The following SCOC variants were observed in gnomAD, a reference collection of about 807,000 sequenced individuals.
The protein encoded by SCOC is short coiled coil protein.
Under a neutral mutation model 9.9 loss-of-function variants are expected in SCOC, and 7 were observed. The ratio of observed to expected loss-of-function variants is 0.71; its 90% CI spans 0.40 to 1.33. The LOEUF is 1.33. Among genes scored for constraint, SCOC ranks in the 40% most tolerant of loss-of-function variants. The pLI is 0.01. For missense variants in SCOC, 66 were observed against 89.7 expected, an observed-to-expected ratio of 0.74 and a Z score of 1.07; for synonymous variants, 19 against 28.2, an observed-to-expected ratio of 0.67 and a Z score of 1.03.
At chr4:140,374,372 C>T in intron 1 of SCOC, 2 of 324,656 alleles carry the variant, frequency 6.2e-6, no homozygotes, top group South Asian at 2.3e-5. Context: ...ACAATAAGGA[C>T]AGATGCCATT....
chr4:140,365,515 C>G (rs1027048607), intron 2 of SCOC, among the ~76,000 whole-genome samples: 2 of 152,172 alleles, frequency 1.3e-5, no homozygotes, highest in Non-Finnish European at 2.9e-5. Context: ...TAGAAACATT[C>G]TAAGAGAAAT....
intron 1 of SCOC, among the ~76,000 whole-genome samples, chr4:140,268,475 T>C (rs1462252544): frequency 6.6e-6 from 1 of 152,208 alleles, no homozygotes; most frequent in East Asian, 1.9e-4. Flanking sequence ...TAATGTCATT[T>C]AAAAAATGAA....
chr4:140,374,946 A>G (rs1728272053), intron 1 of SCOC, among the ~76,000 whole-genome samples: 1 of 152,248 alleles, frequency 6.6e-6, no homozygotes, highest in Non-Finnish European at 1.5e-5. Flanking sequence ...ACATTAATGC[A>G]CGAAGACATT....
chr4:140,282,856 G>A (rs545695008), intron 1 of SCOC, among the ~76,000 whole-genome samples: 1 of 152,332 alleles, frequency 6.6e-6, no homozygotes, highest in African/African-American at 2.4e-5. Context: ...TTTGCTTAAA[G>A]GTTTTGGAGT....
chr4:140,279,535 T>C (rs1035212303), intron 1 of SCOC, among the ~76,000 whole-genome samples: 1 of 152,124 alleles, frequency 6.6e-6, no homozygotes, highest in Non-Finnish European at 1.5e-5. Flanking sequence ...TAATAAGTAC[T>C]AGATTGGAAC....
intron 1 of SCOC, among the ~76,000 whole-genome samples, chr4:140,332,687 T>C (rs1732853173): frequency 6.6e-6 from 1 of 152,134 alleles, no homozygotes; most frequent in African/African-American, 2.4e-5. Flanking sequence ...TGGAGTCATC[T>C]TTGACTGATC....
chr4:140,261,967 A>C (rs1404614094), intron 1 of SCOC, among the ~76,000 whole-genome samples: 1 of 152,266 alleles, frequency 6.6e-6, no homozygotes, highest in Admixed American at 6.5e-5. Context: ...AAGGAGAATT[A>C]AAACACAAGA....
At chr4:140,340,783 CTTTTTTTTTTT>C (rs36136647), upstream of SCOC, among the ~76,000 whole-genome samples, 1 of 40,476 alleles carries the variant, frequency 2.5e-5, no homozygotes, top group African/African-American at 9.4e-5. Flanking sequence ...TGCTGCCTAA[CTTTTTTTTTTT>C]TTTTTTTTTT....
chr4:140,293,110 C>T (rs1380179368), intron 1 of SCOC, among the ~76,000 whole-genome samples: 4 of 152,220 alleles, frequency 2.6e-5, no homozygotes, highest in African/African-American at 4.8e-5. Context: ...CTCCACTGTA[C>T]GTGTAGCTCA....
At chr4:140,371,106 C>G (rs906507354), upstream of SCOC, among the ~76,000 whole-genome samples, 7 of 152,014 alleles carry the variant, frequency 4.6e-5, no homozygotes, top group Non-Finnish European at 1.0e-4. Context: ...AGGATGGTCT[C>G]AATCTCCTGA....
chr4:140,376,686 CTG>C (rs1728360139), intron 1 of SCOC: 1 of 152,148 alleles, frequency 6.6e-6, no homozygotes. Context: ...TGAAGTCACA[CTG>C]TTGCTAAACC....
At chr4:140,265,226 G>A (rs752927048) in intron 1 of SCOC, among the ~76,000 whole-genome samples, 3 of 152,162 alleles carry the variant, frequency 2.0e-5, no homozygotes, top group Non-Finnish European at 2.9e-5. Context: ...GCTAAGCTCA[G>A]CATAATCATA....
At chr4:140,285,354 T>C (rs1731235279) in intron 1 of SCOC, 3 of 449,676 alleles carry the variant, frequency 6.7e-6, no homozygotes, top group Non-Finnish European at 1.3e-5. Context: ...AACAGGTCTT[T>C]GAAAATACCA....
intron 1 of SCOC, among the ~76,000 whole-genome samples, chr4:140,313,692 T>C (rs1000703123): frequency 2.0e-5 from 3 of 152,088 alleles, no homozygotes; most frequent in Admixed American, 1.3e-4. Flanking sequence ...AGTATCCCGG[T>C]GGAGGCAGCC....
intron 1 of SCOC, among the ~76,000 whole-genome samples, chr4:140,277,292 C>T (rs1433129625): frequency 6.6e-6 from 1 of 152,080 alleles, no homozygotes; most frequent in Non-Finnish European, 1.5e-5. Context: ...AGGCTGCAGA[C>T]CCCCCTCCCC....
chr4:140,285,701 T>G (rs1303281299), intron 1 of SCOC, among the ~76,000 whole-genome samples: 1 of 152,144 alleles, frequency 6.6e-6, no homozygotes, highest in Non-Finnish European at 1.5e-5. Context: ...AGGTTAGAAA[T>G]CTCTTCCCCT....
At chr4:140,302,933 T>C (rs1731854260) in intron 1 of SCOC, among the ~76,000 whole-genome samples, 1 of 152,166 alleles carries the variant, frequency 6.6e-6, no homozygotes. Flanking sequence ...AAATGCTCAA[T>C]GATGACATTA....
chr4:140,348,558 A>G (rs1578838503), intron 2 of SCOC, among the ~76,000 whole-genome samples: 1 of 66,490 alleles, frequency 1.5e-5, no homozygotes, highest in African/African-American at 5.5e-5. Flanking sequence ...ATATGTGTGT[A>G]TATATATGTA....
rs537269957 is a variant in SCOC, at chr4:140,377,509, A to G, written c.-50-1612A>G. 3.2e-3 allele frequency among the ~76,000 whole-genome samples: 483 copies of G among 152,302 alleles called. 5 individuals carry two copies. Among genetic ancestry groups the G allele is most frequent in the African/African-American group, 0.011 (456 of 41,570 alleles). ...TTCAGCATTATTAAATTAATTGTAT[A>G]CCATTTGTAGTTAATTATTTAATAA... On this transcript the variant is annotated intron_variant, in intron 1 of 3. Coordinates refer to ENST00000608372, the MANE Select transcript of SCOC (RefSeq NM_001153484.2).
Sources: allele counts gnomAD v4.1 joint callset (sites outside exome capture counted in the v4.1 genomes callset), GRCh38; gene constraint gnomAD v4.1.1; transcripts MANE v1.5; gene names NCBI Gene and HGNC (gene_info 2026-07-23, HGNC 2026-07-21).